Variants in TKTL1 observed in about 807,000 individuals in gnomAD.
The protein encoded by TKTL1 is transketolase like 1, also known as transketolase-like protein 1.
A neutral mutation model predicts 39.3 loss-of-function variants in TKTL1; 1 was observed. The observed-to-expected ratio is 0.03, with a 90% CI of 0.01 to 0.12. The LOEUF (loss-of-function observed/expected upper bound fraction) is 0.12, where lower values mean the gene tolerates loss of function less well. Ranked by LOEUF, TKTL1 falls within the 10% of genes least tolerant of loss-of-function variation. The pLI is 1.00. For synonymous variants in TKTL1, 262 were observed against 193.8 expected (o/e 1.35, Z -2.92); for missense variants, 575 against 509.6 (o/e 1.13, Z -1.24).
chrX:154,306,900 G>A (rs1251632179), intron 2 of TKTL1, among the ~76,000 whole-genome samples: 1 of 110,779 alleles, frequency 9.0e-6, no homozygotes, highest in African/African-American at 3.3e-5. Flanking sequence ...CCAAAGTGCT[G>A]GGATTACAGG....
intron 1 of TKTL1, among the ~76,000 whole-genome samples, chrX:154,300,367 A>G (rs782141466): frequency 8.9e-6 from 1 of 111,938 alleles, no homozygotes; most frequent in Non-Finnish European, 1.9e-5. Context: ...TTTGGGCAGT[A>G]TGGCCATTTT....
At chrX:154,329,321 C>A (rs1227972496) in intron 12 of TKTL1, among the ~76,000 whole-genome samples, 195 bp from the exon 13 acceptor site, 1 of 111,910 alleles carries the variant, frequency 8.9e-6, no homozygotes, top group Non-Finnish European at 1.9e-5. Flanking sequence ...CTCAGGCAGC[C>A]CTTACTGTAG....
Position 154,305,318 on chromosome X carries a change from G to A in TKTL1, c.149G>A (p.Cys50Tyr), listed in dbSNP as rs1165720668. 5 of 1,207,692 alleles carry A rather than the reference G, an allele frequency of 4.1e-6. No individual in the cohort carries two copies. In the Admixed American group the frequency reaches 6.5e-5, roughly 16 times the overall value. Residue 50 changes from cysteine (C) to tyrosine (Y), a missense_variant, in exon 2 of 13, where the codon TGT (cysteine) becomes TAT (tyrosine). Coordinates refer to ENST00000369915, the MANE Select transcript of TKTL1 (RefSeq NM_012253.4). ...CTGTCTTTCAGCCACCCTACATCATGTAGCAGTTCTTCTGAGATCATGTCT... is the reference window on the plus strand; with the variant it reads ...CTGTCTTTCAGCCACCCTACATCATATAGCAGTTCTTCTGAGATCATGTCT... ...CSTSSGHPTS[C>Y]SSSSEIMSVL... is the part of the protein sequence containing the mutation.
chrX:154,326,069 A>G (rs1360857180), intron 10 of TKTL1, among the ~76,000 whole-genome samples: 1 of 112,354 alleles, frequency 8.9e-6, no homozygotes, highest in Non-Finnish European at 1.9e-5. Context: ...TAAGGCCAGG[A>G]ATAAAAGGGA....
chrX:154,319,892 C>G (rs1164945344), intron 7 of TKTL1, among the ~76,000 whole-genome samples: 2 of 112,053 alleles, frequency 1.8e-5, no homozygotes, highest in African/African-American at 6.5e-5. Flanking sequence ...GGTTTGTATT[C>G]TAGTTTGAAG....
At chrX:154,323,108 G>GA (rs1557171236) in intron 8 of TKTL1, 99 bp from the exon 9 acceptor site, 19 of 1,062,547 alleles carry the variant, frequency 1.8e-5, no homozygotes, top group Non-Finnish European at 2.3e-5. Flanking sequence ...GACACCCCGT[G>GA]GCAATAGGAA....
intron 1 of TKTL1, among the ~76,000 whole-genome samples, chrX:154,298,422 C>A (rs1024932671): frequency 4.5e-5 from 5 of 112,005 alleles, no homozygotes; most frequent in African/African-American, 1.6e-4. Context: ...TTATAAAGAA[C>A]CAGCTTTGGC....
At chrX:154,321,409 T>G (rs1339903956) in intron 8 of TKTL1, among the ~76,000 whole-genome samples, 2 of 100,086 alleles carry the variant, frequency 2.0e-5, no homozygotes, top group African/African-American at 3.8e-5. Context: ...CTTCTCAGAG[T>G]AGTAGTCACC....
At chrX:154,329,095 AACCACATTGTTCCTACAGACAGTCC>A (rs1284956402) in intron 12 of TKTL1, among the ~76,000 whole-genome samples, 7 of 112,383 alleles carry the variant, frequency 6.2e-5, no homozygotes, top group Non-Finnish European at 1.3e-4. Flanking sequence ...TGCTCATGTC[AACCACATTGTTCCTACAGACAGTCC>A]AGGTGCATGA....
At chrX:154,328,074 T>C in intron 12 of TKTL1, 116 bp downstream of exon 12, 1 of 930,270 alleles carries the variant, frequency 1.1e-6, no homozygotes, top group Non-Finnish European at 1.5e-6. Flanking sequence ...AGCATGGCTT[T>C]GTTATTTGAT....
At chrX:154,314,032 T>C (rs1231855210) in intron 6 of TKTL1, among the ~76,000 whole-genome samples, 1 of 109,865 alleles carries the variant, frequency 9.1e-6, no homozygotes, top group Non-Finnish European at 1.9e-5. Context: ...TAGGAATACA[T>C]AAAATATCAA....
At chrX:154,299,914 C>G (rs1557165539) in intron 1 of TKTL1, among the ~76,000 whole-genome samples, 1 of 111,600 alleles carries the variant, frequency 9.0e-6, no homozygotes. Context: ...GTGCATGTAC[C>G]TTTTTCATAT....
intron 1 of TKTL1, among the ~76,000 whole-genome samples, chrX:154,299,573 A>G (rs1192442635): frequency 9.0e-6 from 1 of 111,131 alleles, no homozygotes; most frequent in Non-Finnish European, 1.9e-5. Context: ...CAAGCAGTGT[A>G]CATTGTCCCC....
At chrX:154,312,317 C>T (rs1477755754) in intron 5 of TKTL1, among the ~76,000 whole-genome samples, 5 of 111,819 alleles carry the variant, frequency 4.5e-5, no homozygotes, top group African/African-American at 1.3e-4. Flanking sequence ...GAGTTGGAAG[C>T]TGTGGTGAGT....
chrX:154,315,120 C>G (rs2067387762), intron 6 of TKTL1, 53 bp from the exon 7 acceptor site: 2 of 1,116,348 alleles, frequency 1.8e-6, no homozygotes, highest in African/African-American at 1.8e-5. Context: ...TGTAGTCGTT[C>G]CTTCTAAATG....
At chrX:154,328,744 G>C (rs1338380889) in intron 12 of TKTL1, among the ~76,000 whole-genome samples, 1 of 109,981 alleles carries the variant, frequency 9.1e-6, no homozygotes, top group African/African-American at 3.3e-5. Flanking sequence ...ATGCGGCAGG[G>C]GCCCTCTGAG....
At chrX:154,321,135 A>G (rs1401583005) in intron 8 of TKTL1, among the ~76,000 whole-genome samples, 1 of 110,519 alleles carries the variant, frequency 9.0e-6, no homozygotes, top group East Asian at 2.8e-4. Flanking sequence ...AGTGAGAAAC[A>G]GTTGCTTATC....
chrX:154,299,149 C>CTTTTTTTTTTTTTTT (rs1180562974), intron 1 of TKTL1, among the ~76,000 whole-genome samples: 35 of 35,869 alleles, frequency 9.8e-4, no homozygotes, highest in Non-Finnish European at 1.4e-3. Flanking sequence ...CTTTTTCTTT[C>CTTTTTTTTTTTTTTT]TTTTTTTTTT....
At chrX:154,328,832 A>G (rs1371700647) in intron 12 of TKTL1, among the ~76,000 whole-genome samples, 2 of 111,048 alleles carry the variant, frequency 1.8e-5, no homozygotes, top group East Asian at 5.7e-4. Flanking sequence ...GAGGTTGATG[A>G]CAGGGAAAGG....
Sources: allele counts gnomAD v4.1 joint callset (sites outside exome capture counted in the v4.1 genomes callset), GRCh38; gene constraint gnomAD v4.1.1; transcripts MANE v1.5; gene names NCBI Gene and HGNC (gene_info 2026-07-23, HGNC 2026-07-21).